ZFP64: variants seen among roughly 807,000 people sequenced by gnomAD.
ZFP64 encodes ZFP64 zinc finger protein, also known as zinc finger protein 64.
Under a neutral mutation model 51.6 loss-of-function variants are expected in ZFP64, and 14 were observed. The observed-to-expected ratio is 0.27, with a 90% CI of 0.18 to 0.42. The LOEUF (loss-of-function observed/expected upper bound fraction) is 0.42. Ranked by LOEUF, ZFP64 falls within the 10% of genes least tolerant of loss-of-function variation. The pLI, the probability that ZFP64 is intolerant of heterozygous loss-of-function variation, is 1.00. For synonymous variants in ZFP64, 375 were observed against 361.4 expected, an observed-to-expected ratio of 1.04 and a Z score of -0.43; for missense variants, 754 against 906.8, an observed-to-expected ratio of 0.83 and a Z score of 2.16.
intron 2 of ZFP64, among the ~76,000 whole-genome samples, chr20:52,186,505 A>G (rs1983973223): frequency 6.8e-6 from 1 of 146,192 alleles, no homozygotes; most frequent in South Asian, 2.2e-4. Flanking sequence ...CCACCACCCA[A>G]AACAACCACT....
At chr20:52,103,714 A>G (rs1323816087) in intron 5 of ZFP64, among the ~76,000 whole-genome samples, 1 of 152,234 alleles carries the variant, frequency 6.6e-6, no homozygotes, top group Non-Finnish European at 1.5e-5. Flanking sequence ...CGAGGCGCAG[A>G]GATCAGCAAG....
At chr20:52,174,482 C>CAAAA (rs386393988) in intron 2 of ZFP64, among the ~76,000 whole-genome samples, 8 of 55,884 alleles carry the variant, frequency 1.4e-4, no homozygotes, top group East Asian at 4.7e-4. Flanking sequence ...GGCTCCATCT[C>CAAAA]AAAAAAAAAA....
rs1322339987 is a variant in ZFP64, at chr20:52,085,361, T to C, written c.1229-95A>G. 1.5e-6 allele frequency: 2 copies of C among 1,361,756 alleles called. No homozygotes were observed. The highest frequency in any genetic ancestry group is 2.6e-5 in the Admixed American group (1 of 38,686). The allele number at this position is 1,361,756 out of a possible 1,614,324, so 84.4% of individuals were successfully genotyped here. ...AGCACACTTGGCCGCCATGAGATGG[T>C]TGGGTTTTGTGAACTCTAAACCCAA... On this transcript the variant is annotated intron_variant, in intron 8 of 8. Transcript: ENST00000361387. The surrounding 1 kb of genome is among the most constrained non-coding windows in gnomAD (Gnocchi z 4.3).
At chr20:52,178,730 T>C (rs1983413224) in intron 2 of ZFP64, among the ~76,000 whole-genome samples, 1 of 150,146 alleles carries the variant, frequency 6.7e-6, no homozygotes, top group African/African-American at 2.5e-5. Context: ...ACCGTCTTTC[T>C]CCCAAAAGCC....
intron 5 of ZFP64, chr20:52,110,972 T>C (rs1460320968): frequency 1.3e-6 from 2 of 1,502,870 alleles, no homozygotes; most frequent in Non-Finnish European, 1.9e-6. Context: ...AAGACGAACC[T>C]GCTTTTGGGA....
chr20:52,149,959 A>T (rs1980708159), downstream of ZFP64, among the ~76,000 whole-genome samples: 1 of 152,226 alleles, frequency 6.6e-6, no homozygotes, highest in Non-Finnish European at 1.5e-5. Context: ...CTGTAATCCC[A>T]GCACTTTGGG....
At position 52,085,929 on chromosome 20, in the gene ZFP64, A is replaced by G. The variant is rs185704165; in HGVS notation, c.1229-663T>C. ...TGCTTTAAACGTCAGTTGAATATAC[A>G]CAAAGATAAGCATCTTATCCTACAC... is the stretch of plus-strand genomic sequence containing the variant. On this transcript the variant is annotated intron_variant, in intron 8 of 8. Coordinates refer to the ZFP64 transcript ENST00000361387. This position sits in a 1 kb window ranked among gnomAD's most constrained non-coding sequence, Gnocchi z 4.3. Among the ~76,000 whole-genome samples, 6 of 152,150 alleles carry G rather than the reference A, an allele frequency of 3.9e-5. No homozygotes were observed. The highest frequency in any genetic ancestry group is 8.8e-5 in the Non-Finnish European group (6 of 68,032).
Position 52,160,034 on chromosome 20 carries a change from C to T in ZFP64, c.763+89G>A, listed in dbSNP as rs1013941816. ...ATGAGCAAAGGTTCCAACTCGATTT[C>T]TTACATTGTGGCTGAATGCTTTAAG... On this transcript the variant is annotated intron_variant, in intron 5 of 5. Transcript: ENST00000216923. The surrounding 1 kb of genome is among the most constrained non-coding windows in gnomAD (Gnocchi z 4.2). 158 of 1,576,898 alleles carry T rather than the reference C, an allele frequency of 1.0e-4. No homozygotes were observed. Among genetic ancestry groups the T allele is most frequent in the Non-Finnish European group, 1.3e-4 (146 of 1,162,704 alleles).
chr20:52,143,152 A>T lies in ZFP64; in HGVS notation c.763+16971T>A, dbSNP rs531239128. Among the ~76,000 whole-genome samples, 313 of 143,734 alleles carry T rather than the reference A, an allele frequency of 2.2e-3. 29 individuals are homozygous for T. Among genetic ancestry groups the T allele is most frequent in the African/African-American group, 7.7e-3 (311 of 40,314 alleles). 94.3% of individuals were successfully genotyped at this position (143,734 alleles called of 152,430 possible). ...TGGTATAAACATAACTTTTATATGC[A>T]CTGGGAAATTTAAAAATACGTGTGA... On this transcript the variant is annotated intron_variant, in intron 5 of 8. Coordinates refer to the ZFP64 transcript ENST00000361387.
chr20:52,190,160 A>G (rs796954597), intron 1 of ZFP64, among the ~76,000 whole-genome samples: 10 of 152,322 alleles, frequency 6.6e-5, no homozygotes, highest in African/African-American at 2.4e-4. Flanking sequence ...CAATCAATGG[A>G]TGGAAGGAAG....
intron 2 of ZFP64, among the ~76,000 whole-genome samples, chr20:52,175,361 G>A (rs1354879360): frequency 6.6e-6 from 1 of 152,186 alleles, no homozygotes; most frequent in Non-Finnish European, 1.5e-5. Context: ...AGACTCAAGC[G>A]ATCCTCCCTC....
Position 52,186,962 on chromosome 20 carries a change from A to G in ZFP64, c.156T>C (p.Ser52=), listed in dbSNP as rs772857012. 2 of 1,614,124 alleles carry G rather than the reference A, an allele frequency of 1.2e-6. No individual in the cohort carries two copies. The highest frequency in any genetic ancestry group is 1.7e-6 in the Non-Finnish European group (2 of 1,179,980). ...CGGATGTGCCTGTCAGCTGGCAGCC[A>G]CTTTGCTTGTGAGCTACAAAGGCAT... The part of the protein sequence containing the change: ...NLDAFVAHKQ[S]GCQLTGTSAA... Residue 52 remains serine (S), a synonymous_variant, in exon 2 of 6, where the codon AGT becomes AGC. Transcript: ENST00000216923.
chr20:52,151,070 G>A (rs1324638305), downstream of ZFP64, among the ~76,000 whole-genome samples: 3 of 152,200 alleles, frequency 2.0e-5, no homozygotes, highest in African/African-American at 7.2e-5. Flanking sequence ...TCAGTCTGAA[G>A]TTTCAAAATG....
intron 2 of ZFP64, 122 bp from the exon 3 acceptor site, chr20:52,166,147 T>C (rs1055086900): frequency 1.0e-6 from 1 of 984,298 alleles, no homozygotes; most frequent in Non-Finnish European, 1.4e-6. Context: ...CCCTTGCGGC[T>C]TCACAGTGAT....
chr20:52,100,741 T>C lies in ZFP64; in HGVS notation c.764-2154A>G, dbSNP rs61363628. ...TTTAGGCAGAGGGTTTGCTCAGCTA[T>C]GTGCTGTGCAACTATTGGCAAGCTA... On this transcript the variant is annotated intron_variant, in intron 5 of 8. Transcript: ENST00000361387. Among the ~76,000 whole-genome samples, 933 of 152,340 alleles carry C rather than the reference T, an allele frequency of 6.1e-3. 8 individuals are homozygous for C. The highest frequency in any genetic ancestry group is 0.022 in the African/African-American group (897 of 41,578).
At chr20:52,160,000 A>G (rs1194096239) in intron 5 of ZFP64, 123 bp downstream of exon 5, 2 of 1,517,118 alleles carry the variant, frequency 1.3e-6, no homozygotes, top group African/African-American at 2.8e-5. Context: ...CAAAACTGCA[A>G]ACAACGGGAT....
chr20:52,101,104 G>A (rs2079045305), intron 5 of ZFP64, among the ~76,000 whole-genome samples: 1 of 152,150 alleles, frequency 6.6e-6, no homozygotes, highest in African/African-American at 2.4e-5. Context: ...TGAAGGCCAG[G>A]GATGCTGCTA....
At chr20:52,104,908 G>A (rs943694326) in intron 5 of ZFP64, 1 of 657,262 alleles carries the variant, frequency 1.5e-6, no homozygotes, top group Admixed American at 2.4e-5. Flanking sequence ...CTTGAGAGGA[G>A]TGGCTAGAGG....
At chr20:52,168,814 T>G (rs1982486756) in intron 2 of ZFP64, among the ~76,000 whole-genome samples, 1 of 152,354 alleles carries the variant, frequency 6.6e-6, no homozygotes, top group Middle Eastern at 3.4e-3. Context: ...CATCATGCAA[T>G]ATCTTGGAAG....
Sources: gnomAD v4.1 joint callset for allele counts (sites outside exome capture counted in the v4.1 genomes callset) on GRCh38, gnomAD v4.1.1 for gene constraint, Gnocchi (gnomAD v3.1) non-coding constraint, MANE v1.5 for transcripts, NCBI Gene and HGNC (gene_info 2026-07-23, HGNC 2026-07-21) for gene names.